The following PRELID2 variants were observed in gnomAD, a reference collection of about 807,000 sequenced individuals.
PRELID2 encodes PRELI domain-containing protein 2.
A neutral mutation model predicts 28.4 loss-of-function variants in PRELID2; 25 were observed. The observed-to-expected ratio is 0.88, with a 90% CI of 0.64 to 1.23. The LOEUF is 1.23. Ranked by LOEUF, PRELID2 falls within the 50% of genes most tolerant of loss-of-function variation. PRELID2 has a pLI of 0.00. For synonymous variants in PRELID2, 76 were observed against 71.6 expected, an observed-to-expected ratio of 1.06 and a Z score of -0.31; for missense variants, 201 against 214.4, an observed-to-expected ratio of 0.94 and a Z score of 0.39.
At chr5:145,600,516 A>C (rs956790484) in intron 1 of PRELID2, among the ~76,000 whole-genome samples, 3 of 151,016 alleles carry the variant, frequency 2.0e-5, no homozygotes, top group African/African-American at 7.3e-5. Flanking sequence ...AGAAAAACTG[A>C]ATATGAAACT....
chr5:145,808,254 A>T (rs2149838749), intron 4 of PRELID2, among the ~76,000 whole-genome samples: 1 of 152,274 alleles, frequency 6.6e-6, no homozygotes, highest in Admixed American at 6.5e-5. Context: ...GAGTGTTTTA[A>T]TACTTCAGTA....
intron 1 of PRELID2, among the ~76,000 whole-genome samples, chr5:145,652,924 C>G (rs1233887781): frequency 6.6e-6 from 1 of 152,164 alleles, no homozygotes; most frequent in Non-Finnish European, 1.5e-5. Flanking sequence ...CGTAAATGGG[C>G]TGAATACTCC....
At chr5:145,280,916 G>A in the PRELID2 span, among the ~76,000 whole-genome samples, 5 of 151,984 alleles carry the variant, frequency 3.3e-5, no homozygotes, top group African/African-American at 4.8e-5. Flanking sequence ...TTGTGATGGC[G>A]GGGGCTGGAG....
chr5:145,434,833 GA>G, the PRELID2 span, among the ~76,000 whole-genome samples: 1 of 152,150 alleles, frequency 6.6e-6, no homozygotes, highest in Non-Finnish European at 1.5e-5. Context: ...GTGAAAGTCA[GA>G]AGGGAATAAA....
intron 1 of PRELID2, among the ~76,000 whole-genome samples, chr5:145,611,955 T>C (rs1339161759): frequency 1.3e-5 from 2 of 152,166 alleles, no homozygotes; most frequent in South Asian, 2.1e-4. Flanking sequence ...CATTGACAAA[T>C]AGACCAATGG....
chr5:145,255,025 C>G, the PRELID2 span, among the ~76,000 whole-genome samples: 1 of 152,004 alleles, frequency 6.6e-6, no homozygotes, highest in East Asian at 1.9e-4. Context: ...TAGACTACAA[C>G]TAAATTGCTC....
At chr5:145,655,649 A>C (rs1003958967) in intron 1 of PRELID2, among the ~76,000 whole-genome samples, 10 of 152,376 alleles carry the variant, frequency 6.6e-5, no homozygotes, top group African/African-American at 2.4e-4. Context: ...AGAAATGGGG[A>C]AAGTATTCCC....
intron 1 of PRELID2, among the ~76,000 whole-genome samples, chr5:145,499,524 T>A (rs1752339365): frequency 6.6e-6 from 1 of 152,070 alleles, no homozygotes; most frequent in South Asian, 2.1e-4. Context: ...GACATGACTT[T>A]GATCTGGATG....
chr5:145,401,494 A>G, the PRELID2 span, among the ~76,000 whole-genome samples: 1 of 152,170 alleles, frequency 6.6e-6, no homozygotes, highest in Admixed American at 6.6e-5. Context: ...TTTGAAATGC[A>G]TTAGATCCTT....
intron 4 of PRELID2, among the ~76,000 whole-genome samples, chr5:145,815,578 C>T (rs1399738187): frequency 6.6e-6 from 1 of 152,198 alleles, no homozygotes; most frequent in Non-Finnish European, 1.5e-5. Flanking sequence ...CCCCTCTCCC[C>T]GTAACCCATG....
At chr5:145,826,979 C>T (rs1332732550) in intron 1 of PRELID2, among the ~76,000 whole-genome samples, 3 of 152,108 alleles carry the variant, frequency 2.0e-5, no homozygotes, top group African/African-American at 4.8e-5. Context: ...CTCTCAGAAA[C>T]AGTCAGTGAC....
At chr5:145,583,424 T>C (rs1163823621) in intron 1 of PRELID2, among the ~76,000 whole-genome samples, 3 of 152,056 alleles carry the variant, frequency 2.0e-5, no homozygotes, top group Non-Finnish European at 4.4e-5. Flanking sequence ...CAACATAGTG[T>C]TGGAAGTTCT....
chr5:145,346,323 T>G, the PRELID2 span, among the ~76,000 whole-genome samples: 1 of 152,142 alleles, frequency 6.6e-6, no homozygotes, highest in Non-Finnish European at 1.5e-5. Flanking sequence ...GATCTTAATC[T>G]CATATCTGTT....
chr5:145,378,024 G>A, the PRELID2 span, among the ~76,000 whole-genome samples: 1 of 152,090 alleles, frequency 6.6e-6, no homozygotes, highest in Admixed American at 6.6e-5. Context: ...TGTCTGAAAA[G>A]GATGTTATTT....
chr5:145,629,335 C>T (rs903670373), intron 1 of PRELID2, among the ~76,000 whole-genome samples: 10 of 152,168 alleles, frequency 6.6e-5, no homozygotes, highest in African/African-American at 1.9e-4. Flanking sequence ...AAGGCAGTTT[C>T]GTTCAAGTCC....
At chr5:145,784,540 G>C (rs998047834) in intron 5 of PRELID2, among the ~76,000 whole-genome samples, 2 of 152,078 alleles carry the variant, frequency 1.3e-5, no homozygotes, top group Non-Finnish European at 2.9e-5. Flanking sequence ...AAGCATGAAA[G>C]GTCTTAGCTC....
In PRELID2 at chr5:145,756,875, G is replaced by A. The variant is rs1258392541; in HGVS notation, c.*3661C>T. 6.6e-6 allele frequency among the ~76,000 whole-genome samples: 1 copy of A among 151,986 alleles called. No homozygotes were observed. The highest frequency in any genetic ancestry group is 1.9e-4 in the East Asian group (1 of 5,192). On this transcript the variant is annotated 3_prime_UTR_variant, in exon 7 of 7. Coordinates refer to ENST00000683046, the MANE Select transcript of PRELID2 (RefSeq NM_205846.3). The stretch of plus-strand genomic sequence containing the variant: ...GAGATAAATGACAGATAAAAGTGAG[G>A]GAAAAGAAAAACTCTAAAAACCATG...
In PRELID2 at chr5:145,671,897, T is replaced by C. The variant is rs75282734; in HGVS notation, n.70+93034A>G. Among the ~76,000 whole-genome samples the C allele has an allele frequency of 5.8e-3, 879 of 152,256 alleles. 12 individuals carry two copies. Among genetic ancestry groups the C allele is most frequent in the African/African-American group, 0.02 (813 of 41,552 alleles). On this transcript the variant is annotated intron_variant and non_coding_transcript_variant, in intron 1 of 2. Coordinates refer to the PRELID2 transcript ENST00000510259. ...CATGAGGACTAGCTTTGGAATGTTA[T>C]TGCAATCAAAGAACTACAGCGTAGA...
chr5:145,261,837 T>G, the PRELID2 span, among the ~76,000 whole-genome samples: 1 of 152,004 alleles, frequency 6.6e-6, no homozygotes, highest in Admixed American at 6.6e-5. Context: ...CAAACCAAAA[T>G]GAAATCTCTG....
Sources: gnomAD v4.1 joint callset for allele counts (sites outside exome capture counted in the v4.1 genomes callset) on GRCh38, gnomAD v4.1.1 for gene constraint, MANE v1.5 for transcripts, NCBI Gene and HGNC (gene_info 2026-07-23, HGNC 2026-07-21) for gene names.